SPOCK3: variants seen among roughly 807,000 people sequenced by gnomAD.
SPOCK3 encodes the protein testican-3.
In SPOCK3, 30 loss-of-function variants were observed where a neutral mutation model predicts 56.6. The ratio of observed to expected loss-of-function variants is 0.53; its 90% CI spans 0.40 to 0.72. The LOEUF (loss-of-function observed/expected upper bound fraction) is 0.72, where lower values mean the gene tolerates loss of function less well. Among genes scored for constraint, SPOCK3 ranks in the 30% least tolerant of loss-of-function variants. The pLI is 0.00. For missense variants in SPOCK3, 527 were observed against 530.0 expected, an observed-to-expected ratio of 0.99 and a Z score of 0.06; for synonymous variants, 196 against 183.3, an observed-to-expected ratio of 1.07 and a Z score of -0.56.
At chr4:166,966,049 T>C (rs530359625) in intron 4 of SPOCK3, among the ~76,000 whole-genome samples, 3 of 152,194 alleles carry the variant, frequency 2.0e-5, no homozygotes, top group South Asian at 2.1e-4. Context: ...ACTGACTCCA[T>C]AGTTTTGCCT....
At chr4:166,936,964 T>G (rs1740472114) in intron 4 of SPOCK3, among the ~76,000 whole-genome samples, 1 of 152,168 alleles carries the variant, frequency 6.6e-6, no homozygotes, top group South Asian at 2.1e-4. Context: ...TAACTTTTTC[T>G]TTGATAATGG....
At chr4:166,839,603 A>G (rs776929759) in intron 6 of SPOCK3, among the ~76,000 whole-genome samples, 14 of 152,168 alleles carry the variant, frequency 9.2e-5, no homozygotes, top group Non-Finnish European at 1.8e-4. Flanking sequence ...TGGCCAGCAC[A>G]TCACGGAGAA....
chr4:167,170,345 C>T (rs1561288064), intron 2 of SPOCK3, among the ~76,000 whole-genome samples: 1 of 151,870 alleles, frequency 6.6e-6, no homozygotes, highest in Non-Finnish European at 1.5e-5. Flanking sequence ...CTTAAAAGCG[C>T]TAAAAATGCA....
Position 166,827,578 on chromosome 4 carries a change from A to T in SPOCK3, c.590-35289T>A, listed in dbSNP as rs531001901. 4.6e-5 allele frequency among the ~76,000 whole-genome samples: 7 copies of T among 152,238 alleles called. No individual in the cohort carries two copies. In the East Asian group the frequency reaches 1.4e-3, roughly 29 times the overall value. On this transcript the variant is annotated intron_variant, in intron 6 of 10. Transcript: ENST00000357545. ...TACCACTAGGCTTTCCCATGGGAAA[A>T]ATAAATGGCTCAGGTCAGTATTCAG... is the stretch of plus-strand genomic sequence containing the variant.
rs1339787454 is a variant in SPOCK3 at position 167,109,054 on chromosome 4, ATATATAAATAT to A, written c.190-46528_190-46518del. On this transcript the variant is annotated intron_variant, in intron 2 of 10. Coordinates refer to ENST00000357545, the MANE Select transcript of SPOCK3 (RefSeq NM_001040159.2). ...TATAAATATATACTTATATAAAAAT[ATATATAAATAT>A]TATATATTTATATAAAAATATATAT... Among the ~76,000 whole-genome samples, 25 of 3,434 alleles carry A rather than the reference ATATATAAATAT, an allele frequency of 7.3e-3. 9 individuals carry two copies. The South Asian group carries it at 0.08, about 11-fold the overall frequency. 2.3% of individuals were successfully genotyped at this position (3,434 alleles called of 152,430 possible).
chr4:166,959,835 A>C (rs1743942863), intron 4 of SPOCK3, among the ~76,000 whole-genome samples: 1 of 152,188 alleles, frequency 6.6e-6, no homozygotes, highest in African/African-American at 2.4e-5. Flanking sequence ...CAAAAGAATA[A>C]AGGAAATATT....
intron 2 of SPOCK3, among the ~76,000 whole-genome samples, chr4:167,139,653 A>C (rs1763377003): frequency 6.6e-6 from 1 of 152,080 alleles, no homozygotes; most frequent in South Asian, 2.1e-4. Flanking sequence ...GAGTTTTGTT[A>C]ACACAATCAG....
At chr4:167,116,559 T>C (rs1157995147) in intron 2 of SPOCK3, among the ~76,000 whole-genome samples, 1 of 116,678 alleles carries the variant, frequency 8.6e-6, no homozygotes, top group Non-Finnish European at 1.8e-5. Flanking sequence ...TATATGAGTA[T>C]ATATACTTTT....
At position 167,191,586 on chromosome 4, in the gene SPOCK3, T is replaced by C. The variant is rs1385321134; in HGVS notation, c.189+42399A>G. On this transcript the variant is annotated intron_variant, in intron 2 of 10. Coordinates refer to ENST00000357545, the MANE Select transcript of SPOCK3 (RefSeq NM_001040159.2). ...TGGATTGTTTGCTTTCTTTTTCAGA[T>C]ACTTGGTAGTAGATTGAAATGCAAA... Among the ~76,000 whole-genome samples, 4 of 145,816 alleles carry C rather than the reference T, an allele frequency of 2.7e-5. 1 individual carries two copies. Among genetic ancestry groups the C allele is most frequent in the African/African-American group, 1.0e-4 (4 of 38,288 alleles).
chr4:166,799,283 A>C (rs547671963), intron 6 of SPOCK3, among the ~76,000 whole-genome samples: 1 of 152,306 alleles, frequency 6.6e-6, no homozygotes, highest in East Asian at 1.9e-4. Flanking sequence ...CTTATTGTTG[A>C]TAATGCTCCT....
At chr4:166,824,607 G>A (rs1301127658) in intron 6 of SPOCK3, among the ~76,000 whole-genome samples, 1 of 152,066 alleles carries the variant, frequency 6.6e-6, no homozygotes, top group Non-Finnish European at 1.5e-5. Flanking sequence ...GGAAGAATCA[G>A]CCCTATACTT....
chr4:167,029,596 A>G (rs1191886035), intron 3 of SPOCK3, among the ~76,000 whole-genome samples: 1 of 152,088 alleles, frequency 6.6e-6, no homozygotes, highest in Non-Finnish European at 1.5e-5. Context: ...TTTTAAAGAC[A>G]TGGGTCAATT....
chr4:166,735,603 A>T (rs913888214), intron 10 of SPOCK3, among the ~76,000 whole-genome samples: 1 of 152,106 alleles, frequency 6.6e-6, no homozygotes, highest in Non-Finnish European at 1.5e-5. Context: ...AATAAAAAAA[A>T]AAATGTTTTC....
intron 4 of SPOCK3, among the ~76,000 whole-genome samples, chr4:166,991,514 C>T (rs1043600846): frequency 1.3e-5 from 2 of 152,030 alleles, no homozygotes; most frequent in East Asian, 1.9e-4. Context: ...GGATTACAGG[C>T]ATGCGCCACA....
Position 167,234,037 on chromosome 4 carries a change from G to A in SPOCK3, c.137C>T (p.Thr46Ile). ...TTCCTTGTCATACTGAGAGATTGTG[G>A]TGAGCCATTGTTTATCATCCAGAAA... Reference protein sequence around the residue: ...GNFLDDKQWLTTISQYDKEVG... With the variant: ...GNFLDDKQWLITISQYDKEVG... The change falls in exon 2 of 11, where the codon ACC (threonine) becomes ATC (isoleucine). Residue 46 changes from threonine (T) to isoleucine (I), a missense_variant. Thr to Ile is a moderately conservative substitution (Grantham distance 89). Coordinates refer to ENST00000357545, the MANE Select transcript of SPOCK3 (RefSeq NM_001040159.2). 1 of 1,614,004 alleles carries A rather than the reference G, an allele frequency of 6.2e-7. No homozygotes were observed. The highest frequency in any genetic ancestry group is 1.1e-5 in the South Asian group (1 of 91,084).
intron 2 of SPOCK3, among the ~76,000 whole-genome samples, chr4:167,112,928 A>G (rs536825011): frequency 6.6e-6 from 1 of 152,206 alleles, no homozygotes; most frequent in East Asian, 1.9e-4. Context: ...GCTTGTCTGT[A>G]TACTTGTATA....
intron 6 of SPOCK3, among the ~76,000 whole-genome samples, chr4:166,793,796 A>G (rs1741603991): frequency 6.6e-6 from 1 of 152,178 alleles, no homozygotes; most frequent in Non-Finnish European, 1.5e-5. Context: ...CAACATAAAA[A>G]TTATTTCATA....
chr4:166,842,394 T>C lies in SPOCK3; in HGVS notation c.589+46736A>G, dbSNP rs1747527157. 2.0e-5 allele frequency among the ~76,000 whole-genome samples: 3 copies of C among 152,102 alleles called. No individual in the cohort carries two copies. In the South Asian group the frequency reaches 6.2e-4, roughly 32 times the overall value. ...AGGGTGCTGATTGGTGCATTTACAA[T>C]CCCTAAGCTAGACACAGAGTGCTGA... On this transcript the variant is annotated intron_variant, in intron 6 of 10. Transcript: ENST00000357545.
intron 2 of SPOCK3, among the ~76,000 whole-genome samples, chr4:167,080,185 A>C (rs768901570): frequency 6.6e-6 from 1 of 151,966 alleles, no homozygotes; most frequent in Non-Finnish European, 1.5e-5. Context: ...TCAACTGCTT[A>C]CTCTCTAAGA....
Sources: allele counts gnomAD v4.1 joint callset (sites outside exome capture counted in the v4.1 genomes callset), GRCh38; gene constraint gnomAD v4.1.1; transcripts MANE v1.5; gene names NCBI Gene and HGNC (gene_info 2026-07-23, HGNC 2026-07-21).